The following POLR3A variants were observed in gnomAD, a reference collection of about 807,000 sequenced individuals.
The protein encoded by POLR3A is DNA-directed RNA polymerase III subunit RPC1.
In POLR3A, 112 loss-of-function variants were observed where a neutral mutation model predicts 152.8. The observed-to-expected ratio is 0.73, with a 90% confidence interval of 0.63 to 0.86. The LOEUF (loss-of-function observed/expected upper bound fraction) is 0.86, where lower values mean the gene tolerates loss of function less well. Among genes scored for constraint, POLR3A ranks in the 40% least tolerant of loss-of-function variants. The pLI is 0.00. For missense variants in POLR3A, 1,385 were observed against 1,743.1 expected (o/e 0.79, Z 3.66); for synonymous variants, 615 against 652.1 (o/e 0.94, Z 0.87).
At chr10:77,994,210 C>T (rs547077940) in intron 19 of POLR3A, among the ~76,000 whole-genome samples, 6 of 152,054 alleles carry the variant, frequency 3.9e-5, no homozygotes, top group Non-Finnish European at 8.8e-5. Context: ...ATGGATGACA[C>T]ACACAAAAAA....
At chr10:78,002,712 T>TA (rs914171242) in intron 16 of POLR3A, among the ~76,000 whole-genome samples, 2 of 152,082 alleles carry the variant, frequency 1.3e-5, no homozygotes, top group African/African-American at 4.8e-5. Flanking sequence ...TTTTTAAAAT[T>TA]TTTTTTGTAG....
intron 1 of POLR3A, among the ~76,000 whole-genome samples, chr10:78,027,516 A>G (rs112730782): frequency 0.12 from 18,456 of 152,016 alleles, 3,617 homozygotes; most frequent in African/African-American, 0.41. Flanking sequence ...AAAATTTGCT[A>G]GGCGTGATGG....
intron 20 of POLR3A, 35 bp downstream of exon 20, chr10:77,993,162 A>G (rs1419356455): frequency 6.4e-7 from 1 of 1,559,070 alleles, no homozygotes; most frequent in African/African-American, 1.4e-5. Context: ...CATCCTTAAA[A>G]ACACTCTAAC....
At chr10:77,993,439 A>T in intron 19 of POLR3A, 72 bp from the exon 20 acceptor site, 1 of 1,130,468 alleles carries the variant, frequency 8.8e-7, no homozygotes, top group South Asian at 1.2e-5. Context: ...TAAGATTTGC[A>T]ACTCAAGAGT....
Position 78,029,450 on chromosome 10 carries a change from G to C in POLR3A, c.-43C>G, listed in dbSNP as rs1272710182. Reference sequence around the variant, plus strand: ...CGCCTCCTTGGCACTCGGGAGGCCAGATTAGAGAAACGATGCCCCCAGCAC... The same window carrying C: ...CGCCTCCTTGGCACTCGGGAGGCCACATTAGAGAAACGATGCCCCCAGCAC... On this transcript the variant is annotated 5_prime_UTR_variant, in exon 1 of 31. In the 5' UTR this introduces an upstream ATG that the reference lacks. Coordinates refer to ENST00000372371, the MANE Select transcript of POLR3A (RefSeq NM_007055.4). The C allele has an allele frequency of 1.2e-6, 2 of 1,609,386 alleles. No homozygotes were observed. The highest frequency in any genetic ancestry group is 2.7e-5 in the African/African-American group (2 of 74,826).
intron 1 of POLR3A, among the ~76,000 whole-genome samples, chr10:78,027,093 G>A (rs563643651): frequency 6.6e-6 from 1 of 152,322 alleles, no homozygotes; most frequent in South Asian, 2.1e-4. Flanking sequence ...AGATGCAGAA[G>A]TGATGTAAGC....
At position 78,002,260 on chromosome 10, in the gene POLR3A, C is replaced by G; in HGVS notation, c.2296G>C (p.Ala766Pro). 6.2e-7 allele frequency: 1 copy of G among 1,605,708 alleles called. No homozygotes were observed. The change falls in exon 17 of 31, where the codon GCC (alanine) becomes CCC (proline). Residue 766 changes from alanine to proline, a missense_variant. Around this residue, in one of 7 missense-constraint regions of POLR3A, gnomAD observed 170 missense variants for 231.2 expected, o/e 0.74. Transcript: ENST00000372371. ...CTCTTGTCCAGCTCCCGGAGGCAGG[C>G]ACTGCCAGCGTGGTCACGGATCACA... is the stretch of plus-strand genomic sequence containing the variant. ...LSVIRDHAGSACLRELDKSNS... is the reference protein window; with the variant it reads ...LSVIRDHAGSPCLRELDKSNS...
Position 77,977,809 on chromosome 10 carries a change from G to A in POLR3A, c.4025-183C>T, listed in dbSNP as rs562535439. ...AAAGGGTGGCTGTGGAGTGCAGACAGGGGGATTCTGCACTTTCAGGGAAGG... is the reference window on the plus strand; with the variant it reads ...AAAGGGTGGCTGTGGAGTGCAGACAAGGGGATTCTGCACTTTCAGGGAAGG... On this transcript the variant is annotated intron_variant, in intron 30 of 30. Coordinates refer to ENST00000372371, the MANE Select transcript of POLR3A (RefSeq NM_007055.4). Among the ~76,000 whole-genome samples the A allele has an allele frequency of 6.6e-5, 10 of 152,272 alleles. No individual in the cohort carries two copies. In the South Asian group the frequency reaches 2.1e-3, roughly 32 times the overall value.
chr10:77,996,224 TGACACCC>T, intron 19 of POLR3A, among the ~76,000 whole-genome samples: 1 of 151,922 alleles, frequency 6.6e-6, no homozygotes. Flanking sequence ...GATCTAAAAT[TGACACCC>T]TAACATCACA....
At chr10:77,979,054 C>T (rs925992127) in intron 30 of POLR3A, among the ~76,000 whole-genome samples, 2 of 149,200 alleles carry the variant, frequency 1.3e-5, no homozygotes, top group African/African-American at 5.0e-5. Context: ...CTCAAGTGAT[C>T]GTCCTGCCTC....
At chr10:77,994,328 T>C (rs1349928124) in intron 19 of POLR3A, among the ~76,000 whole-genome samples, 1 of 152,168 alleles carries the variant, frequency 6.6e-6, no homozygotes, top group Non-Finnish European at 1.5e-5. Flanking sequence ...ACAGTGTTTG[T>C]TCTGGCCCAC....
At chr10:77,990,997 CAG>C in intron 21 of POLR3A, 55 bp downstream of exon 21, 4 of 964,994 alleles carry the variant, frequency 4.1e-6, no homozygotes, top group Non-Finnish European at 6.7e-6. Context: ...CCTTGGCAAA[CAG>C]AGTTCTTTAC....
At chr10:77,978,507 C>T (rs1043567386) in intron 30 of POLR3A, among the ~76,000 whole-genome samples, 1 of 152,048 alleles carries the variant, frequency 6.6e-6, no homozygotes, top group African/African-American at 2.4e-5. Context: ...CGGCAAAGGC[C>T]CGGTTTCCAG....
chr10:77,993,232 G>T lies in POLR3A; in HGVS notation c.2752C>A (p.Pro918Thr), dbSNP rs758663237. 4 of 1,613,678 alleles carry T rather than the reference G, an allele frequency of 2.5e-6. No individual in the cohort carries two copies. Among genetic ancestry groups the T allele is most frequent in the South Asian group, 2.2e-5 (2 of 91,078 alleles). Residue 918 changes from proline to threonine, a missense_variant, in exon 20 of 31, where the codon CCT (proline) becomes ACT (threonine). By Grantham distance (38) the Pro-to-Thr change is conservative. Coordinates refer to ENST00000372371, the MANE Select transcript of POLR3A (RefSeq NM_007055.4). ...TCCAGAACCCTTTTAAACTCCAAAG[G>T]TTCATCTTTTCCCTCCATAGCTGCA... is the stretch of plus-strand genomic sequence containing the variant. ...DPAAMEGKDE[P>T]LEFKRVLDNI...
intron 10 of POLR3A, among the ~76,000 whole-genome samples, chr10:78,014,274 T>C (rs1289379952): frequency 1.3e-5 from 2 of 152,090 alleles, no homozygotes; most frequent in East Asian, 3.9e-4. Flanking sequence ...TGTCATGGTT[T>C]CAAGTATCAA....
chr10:78,019,886 AG>A (rs1847561214), intron 8 of POLR3A: 1 of 152,014 alleles, frequency 6.6e-6, no homozygotes, highest in Admixed American at 6.5e-5. Flanking sequence ...AAAAAAAAAA[AG>A]TATGGGCTGG....
chr10:78,025,393 CTAT>C (rs1352577732), intron 3 of POLR3A, among the ~76,000 whole-genome samples: 9 of 152,156 alleles, frequency 5.9e-5, no homozygotes, highest in Non-Finnish European at 1.0e-4. Context: ...TGAATTACTA[CTAT>C]TGTTATTTTT....
chr10:77,999,169 G>C (rs113528001), intron 19 of POLR3A, among the ~76,000 whole-genome samples: 1 of 152,240 alleles, frequency 6.6e-6, no homozygotes, highest in Non-Finnish European at 1.5e-5. Context: ...GGGGAGCGGG[G>C]AGGGATAGCA....
At chr10:77,984,722 A>G (rs567500011) in intron 24 of POLR3A, among the ~76,000 whole-genome samples, 5 of 152,334 alleles carry the variant, frequency 3.3e-5, no homozygotes, top group African/African-American at 1.2e-4. Context: ...TTGTCATCGA[A>G]GGCATTGTAA....
Sources: gnomAD v4.1 joint callset for allele counts (sites outside exome capture counted in the v4.1 genomes callset) on GRCh38, gnomAD v4.1.1 for gene constraint, gnomAD v4.1.1 regional missense constraint, MANE v1.5 for transcripts, NCBI Gene and HGNC (gene_info 2026-07-23, HGNC 2026-07-21) for gene names.